Variants in DLGAP1 observed in about 807,000 individuals in gnomAD.
DLGAP1 encodes the protein disks large-associated protein 1.
In DLGAP1, 11 loss-of-function variants were observed where a neutral mutation model predicts 90.8. That is an observed-to-expected ratio of 0.12 (90% CI 0.08 to 0.20). The LOEUF (loss-of-function observed/expected upper bound fraction) is 0.20. Among genes scored for constraint, DLGAP1 ranks in the 10% least tolerant of loss-of-function variants. DLGAP1 has a pLI of 1.00. For missense variants in DLGAP1, 1,050 were observed against 1,333.8 expected (o/e 0.79, Z 3.31); for synonymous variants, 558 against 540.7 (o/e 1.03, Z -0.44).
intron 1 of DLGAP1, among the ~76,000 whole-genome samples, chr18:4,363,229 C>T (rs1003109156): frequency 6.6e-6 from 1 of 152,126 alleles, no homozygotes; most frequent in Non-Finnish European, 1.5e-5. Flanking sequence ...ACAGGGAAAA[C>T]AAGGAAGGGC....
At chr18:3,554,221 C>T (rs75409527) in intron 9 of DLGAP1, among the ~76,000 whole-genome samples, 11,478 of 152,150 alleles carry the variant, frequency 0.075, 535 homozygotes, top group Middle Eastern at 0.18. Context: ...ATGCTGGAGA[C>T]TTCTGCATGG....
chr18:3,828,820 G>A (rs1205713663), intron 4 of DLGAP1, among the ~76,000 whole-genome samples: 1 of 151,920 alleles, frequency 6.6e-6, no homozygotes, highest in Non-Finnish European at 1.5e-5. Flanking sequence ...ACCCAAAGTC[G>A]ATGGAGCTGG....
intron 9 of DLGAP1, among the ~76,000 whole-genome samples, chr18:3,550,649 CAG>C (rs2053338556): frequency 6.6e-6 from 1 of 150,824 alleles, no homozygotes; most frequent in African/African-American, 2.4e-5. Flanking sequence ...CATGAAGACA[CAG>C]GGAGAAGATG....
intron 4 of DLGAP1, among the ~76,000 whole-genome samples, chr18:3,868,804 G>A (rs2070563391): frequency 2.0e-5 from 3 of 152,182 alleles, no homozygotes; most frequent in Admixed American, 2.0e-4. Flanking sequence ...GGTCATGAGA[G>A]AGATCTGGCT....
chr18:3,915,443 A>C (rs764792666), intron 3 of DLGAP1, among the ~76,000 whole-genome samples: 2 of 152,118 alleles, frequency 1.3e-5, no homozygotes, highest in Non-Finnish European at 2.9e-5. Flanking sequence ...TCATGGAAGG[A>C]GGGGCCCAGT....
intron 1 of DLGAP1, among the ~76,000 whole-genome samples, chr18:4,283,245 A>G (rs1210856397): frequency 2.0e-5 from 3 of 152,220 alleles, no homozygotes; most frequent in Non-Finnish European, 2.9e-5. Flanking sequence ...AAAAAGAAAC[A>G]TTGATGAGTT....
intron 7 of DLGAP1, among the ~76,000 whole-genome samples, chr18:3,599,768 G>A (rs1272440963): frequency 6.6e-6 from 1 of 151,754 alleles, no homozygotes; most frequent in Non-Finnish European, 1.5e-5. Context: ...TACAGGAGGC[G>A]CCACCACGCC....
chr18:3,824,588 TTAGTC>T (rs1450535747), intron 4 of DLGAP1, among the ~76,000 whole-genome samples: 2 of 152,214 alleles, frequency 1.3e-5, no homozygotes, highest in Non-Finnish European at 2.9e-5. Flanking sequence ...ATATTTTCCT[TTAGTC>T]TATTATCAAT....
chr18:3,726,542 A>G (rs2062188260), intron 7 of DLGAP1, among the ~76,000 whole-genome samples: 1 of 152,202 alleles, frequency 6.6e-6, no homozygotes, highest in Non-Finnish European at 1.5e-5. Flanking sequence ...ATCATAAAAT[A>G]AAGAATTTTT....
intron 2 of DLGAP1, among the ~76,000 whole-genome samples, chr18:4,072,394 T>TTCATTTTCATCAGCATCA (rs1246274261): frequency 1.4e-4 from 21 of 152,146 alleles, no homozygotes; most frequent in African/African-American, 4.8e-4. Context: ...GTCTTTCATC[T>TTCATTTTCATCAGCATCA]TCATTTTCAT....
intron 3 of DLGAP1, among the ~76,000 whole-genome samples, chr18:3,926,297 A>C (rs2072380365): frequency 6.6e-6 from 1 of 152,138 alleles, no homozygotes; most frequent in African/African-American, 2.4e-5. Context: ...TGTGAGCAGC[A>C]GTCCCCTTCC....
In DLGAP1 at chr18:3,496,467, C is replaced by T. The variant is rs529161140; in HGVS notation, c.*2718G>A. ...AAAAATCTTTAATCCATTTCTTCAT[C>T]TCTCTTTACAAAAAGGTTATGTGAA... On this transcript the variant is annotated 3_prime_UTR_variant, in exon 13 of 13. Transcript: ENST00000315677. The T allele has an allele frequency of 6.6e-6, 1 of 152,236 alleles. No homozygotes were observed. The highest frequency in any genetic ancestry group is 1.5e-5 in the Non-Finnish European group (1 of 68,006). The allele number at this position is 152,236 out of a possible 1,614,324, so 9.4% of individuals were successfully genotyped here. A position where few individuals can be genotyped will look rare whatever the true frequency, so the allele number is the denominator to read the frequency against.
At chr18:3,577,935 T>C (rs929937335) in intron 8 of DLGAP1, among the ~76,000 whole-genome samples, 3 of 152,240 alleles carry the variant, frequency 2.0e-5, no homozygotes, top group African/African-American at 7.2e-5. Flanking sequence ...TAGTTCAGCA[T>C]ATTTAGCTAA....
chr18:4,182,213 G>A (rs1237708590), intron 1 of DLGAP1, among the ~76,000 whole-genome samples: 7 of 152,146 alleles, frequency 4.6e-5, no homozygotes, highest in African/African-American at 1.7e-4. Flanking sequence ...GCAGAAGTCT[G>A]ATTGGGCTGA....
At chr18:4,220,581 T>C (rs985512550) in intron 1 of DLGAP1, among the ~76,000 whole-genome samples, 2 of 152,160 alleles carry the variant, frequency 1.3e-5, no homozygotes, top group South Asian at 4.1e-4. Flanking sequence ...GTTTCTCCCA[T>C]AGTGATTTTT....
chr18:4,314,344 C>T (rs1342328825), intron 1 of DLGAP1, among the ~76,000 whole-genome samples: 1 of 151,948 alleles, frequency 6.6e-6, no homozygotes, highest in African/African-American at 2.4e-5. Flanking sequence ...GCTCTGAAGA[C>T]CCAATAAGAT....
At chr18:4,432,541 T>A (rs1210697710) in intron 1 of DLGAP1, among the ~76,000 whole-genome samples, 2 of 151,962 alleles carry the variant, frequency 1.3e-5, no homozygotes, top group Non-Finnish European at 2.9e-5. Flanking sequence ...GATATATGTG[T>A]CCACTGTAAA....
At chr18:3,847,728 T>C (rs1476356659) in intron 4 of DLGAP1, among the ~76,000 whole-genome samples, 1 of 152,044 alleles carries the variant, frequency 6.6e-6, no homozygotes, top group African/African-American at 2.4e-5. Flanking sequence ...AGTATTCCAA[T>C]GAAAGAAACC....
chr18:4,091,939 G>C (rs1429214553), intron 2 of DLGAP1, among the ~76,000 whole-genome samples: 1 of 151,182 alleles, frequency 6.6e-6, no homozygotes, highest in Non-Finnish European at 1.5e-5. Context: ...ATTTTTTAAT[G>C]AATCACAAAT....
Sources: allele counts gnomAD v4.1 joint callset (sites outside exome capture counted in the v4.1 genomes callset), GRCh38; gene constraint gnomAD v4.1.1; transcripts MANE v1.5; gene names NCBI Gene and HGNC (gene_info 2026-07-23, HGNC 2026-07-21).